The following BRWD1 variants were observed in gnomAD, a reference collection of about 807,000 sequenced individuals.
The protein encoded by BRWD1 is bromodomain and WD repeat-containing protein 1.
Under a neutral mutation model 251.2 loss-of-function variants are expected in BRWD1, and 82 were observed. The observed-to-expected ratio is 0.33, with a 90% CI of 0.27 to 0.39. The LOEUF is 0.39. Among genes scored for constraint, BRWD1 ranks in the 10% least tolerant of loss-of-function variants. The pLI, the probability that BRWD1 is intolerant of heterozygous loss-of-function variation, is 1.00. For missense variants in BRWD1, 2,233 were observed against 2,711.6 expected (o/e 0.82, Z 3.92); for synonymous variants, 918 against 902.8 (o/e 1.02, Z -0.30).
intron 37 of BRWD1, among the ~76,000 whole-genome samples, chr21:39,203,211 G>A (rs1341038521): frequency 2.0e-5 from 3 of 152,098 alleles, no homozygotes; most frequent in African/African-American, 4.8e-5. Context: ...AGCACTTTAG[G>A]AGGCCAAGGC....
chr21:39,314,659 A>G (rs977871712), upstream of BRWD1: 6 of 312,442 alleles, frequency 1.9e-5, no homozygotes, highest in East Asian at 9.2e-5. Flanking sequence ...AAAGTACAGC[A>G]GTAACACTCA....
chr21:39,185,061 A>C (rs2146422926), downstream of BRWD1: 1 of 152,306 alleles, frequency 6.6e-6, no homozygotes, highest in South Asian at 2.1e-4. Context: ...CACACATTTC[A>C]GAGAGAACAA....
chr21:39,291,403 C>T (rs971309930), intron 8 of BRWD1, among the ~76,000 whole-genome samples: 1 of 152,168 alleles, frequency 6.6e-6, no homozygotes, highest in Admixed American at 6.5e-5. Context: ...CAATTTACTT[C>T]AGTCTAACCA....
In BRWD1 at chr21:39,187,893, G is replaced by C; in HGVS notation, c.*8366C>G. The C allele has an allele frequency of 3.1e-6, 3 of 979,430 alleles. No individual in the cohort carries two copies. Among genetic ancestry groups the C allele is most frequent in the South Asian group, 4.7e-5 (1 of 21,172 alleles). The allele number at this position is 979,430 out of a possible 1,614,324, so 60.7% of individuals were successfully genotyped here. On this transcript the variant is annotated 3_prime_UTR_variant, in exon 41 of 41. Coordinates refer to ENST00000342449, the MANE Select transcript of BRWD1 (RefSeq NM_033656.4). ...ACTGGAAACCTAACCTAGCCTAAGG[G>C]ATCAAGGAAGGCTTCCTTTAAGGAA...
At chr21:39,247,601 CTG>C (rs780821983) in intron 21 of BRWD1, 98 bp downstream of exon 21, 4 of 1,230,930 alleles carry the variant, frequency 3.2e-6, no homozygotes, top group Non-Finnish European at 4.4e-6. Context: ...CTGCAGAATG[CTG>C]TGTTTTCATA....
At chr21:39,229,133 C>G (rs1439101843) in intron 26 of BRWD1, among the ~76,000 whole-genome samples, 179 bp downstream of exon 26, 2 of 152,178 alleles carry the variant, frequency 1.3e-5, no homozygotes, top group Non-Finnish European at 2.9e-5. Context: ...GACATGCCTA[C>G]TATGACTTCA....
chr21:39,279,638 CAAA>C (rs77282416), intron 9 of BRWD1, among the ~76,000 whole-genome samples: 10 of 66,884 alleles, frequency 1.5e-4, no homozygotes, highest in African/African-American at 4.2e-4. Context: ...GACTCCATCT[CAAA>C]AAAAAAAAAA....
chr21:39,184,273 T>TA (rs1175684762), downstream of BRWD1: 2 of 152,326 alleles, frequency 1.3e-5, no homozygotes, highest in East Asian at 3.9e-4. Flanking sequence ...TTTATGAGTG[T>TA]AAAAAATAGT....
chr21:39,312,988 C>CCGGGGGCGGGCGGT, intron 3 of BRWD1, 84 bp downstream of exon 3: 1 of 783,320 alleles, frequency 1.3e-6, no homozygotes, highest in Non-Finnish European at 1.5e-6. Context: ...CGGCGGGCGG[C>CCGGGGGCGGGCGGT]GGGCGGGGGG....
At position 39,199,619 on chromosome 21, in the gene BRWD1, T is replaced by C. The variant is rs140948978; in HGVS notation, c.4797A>G (p.Arg1599=). The change falls in exon 40 of 41, where the codon CGA becomes CGG. Residue 1599 remains arginine, a synonymous_variant. Transcript: ENST00000342449. ...CAGAATCACTTAAATAGACTCTCTT[T>C]CGAGTGGCTTTTCTGCCACATCCAT... ...LANGCGRKAT[R]KRVYLSDSDN... 5 of 1,612,062 alleles carry C rather than the reference T, an allele frequency of 3.1e-6. No individual in the cohort carries two copies. The African/African-American group carries it at 5.3e-5, about 17-fold the overall frequency.
At chr21:39,236,500 T>C in intron 23 of BRWD1, 95 bp downstream of exon 23, 1 of 1,146,888 alleles carries the variant, frequency 8.7e-7, no homozygotes, top group Non-Finnish European at 1.2e-6. Flanking sequence ...GGCACCACTA[T>C]GCCAGTATCA....
intron 25 of BRWD1, among the ~76,000 whole-genome samples, chr21:39,229,874 A>G (rs897909168): frequency 1.3e-5 from 2 of 152,014 alleles, no homozygotes; most frequent in Non-Finnish European, 2.9e-5. Context: ...CCTGGGACTG[A>G]CTACAGGTAC....
chr21:39,232,573 A>C, intron 23 of BRWD1, 75 bp from the exon 24 acceptor site: 1 of 1,508,008 alleles, frequency 6.6e-7, no homozygotes, highest in East Asian at 2.4e-5. Flanking sequence ...AAAATAAAAG[A>C]AACTTTCACC....
intron 5 of BRWD1, chr21:39,297,211 C>T (rs2035984702): frequency 1.0e-6 from 1 of 985,288 alleles, no homozygotes; most frequent in East Asian, 1.1e-4. Flanking sequence ...TTCTTCATAA[C>T]TCAAAGAAGA....
chr21:39,240,421 G>A (rs2033948301), intron 21 of BRWD1, among the ~76,000 whole-genome samples: 1 of 152,194 alleles, frequency 6.6e-6, no homozygotes, highest in Non-Finnish European at 1.5e-5. Flanking sequence ...TTGAGCCTAG[G>A]AGTTCGAGGT....
In BRWD1 at chr21:39,270,407, A is replaced by G; in HGVS notation, c.1271T>C (p.Phe424Ser). The part of the protein sequence containing the change: ...SGDLSSEEER[F>S]MKPKVTMIAW... ...TATCATTGTTACTTTAGGTTTCATAAACCTTTCCTCTTCGGAAGATAAGTC... is the reference window on the plus strand; with the variant it reads ...TATCATTGTTACTTTAGGTTTCATAGACCTTTCCTCTTCGGAAGATAAGTC... The change falls in exon 14 of 41, where the codon TTT becomes TCT. Residue 424 changes from phenylalanine (F) to serine (S), a missense_variant. By Grantham distance (155) the Phe-to-Ser change is radical (BLOSUM62 -2). Around this residue, in one of 12 missense-constraint regions of BRWD1, gnomAD observed 315 missense variants for 421.8 expected, o/e 0.75. Transcript: ENST00000342449. 1 of 1,610,002 alleles carries G rather than the reference A, an allele frequency of 6.2e-7. No homozygotes were observed. The highest frequency in any genetic ancestry group is 8.5e-7 in the Non-Finnish European group (1 of 1,178,606).
intron 12 of BRWD1, 59 bp from the exon 13 acceptor site, chr21:39,274,531 A>G (rs533639693): frequency 2.3e-6 from 3 of 1,304,692 alleles, no homozygotes; most frequent in African/African-American, 1.5e-5. Flanking sequence ...AAGGGCTACA[A>G]TTAAAATCAC....
upstream of BRWD1, chr21:39,314,028 G>C (rs2036629368): frequency 2.2e-6 from 1 of 455,282 alleles, no homozygotes; most frequent in African/African-American, 2.0e-5. Context: ...GGACCGCAGG[G>C]GCCCCGAGTC....
chr21:39,308,781 C>G (rs999891912), intron 4 of BRWD1, among the ~76,000 whole-genome samples: 7 of 152,072 alleles, frequency 4.6e-5, no homozygotes, highest in Non-Finnish European at 7.4e-5. Context: ...AACAATAAGA[C>G]AAATACAGAA....
Sources: allele counts gnomAD v4.1 joint callset (sites outside exome capture counted in the v4.1 genomes callset), GRCh38; gene constraint gnomAD v4.1.1; regional missense constraint gnomAD v4.1.1; transcripts MANE v1.5; gene names NCBI Gene and HGNC (gene_info 2026-07-23, HGNC 2026-07-21).